Variants in NUDT3 observed in about 807,000 individuals in gnomAD.
NUDT3 encodes diphosphoinositol polyphosphate phosphohydrolase 1.
Under a neutral mutation model 23.6 loss-of-function variants are expected in NUDT3, and 9 were observed. That is an observed-to-expected ratio of 0.38 (90% CI 0.23 to 0.66). The LOEUF (loss-of-function observed/expected upper bound fraction) is 0.66. Among genes scored for constraint, NUDT3 ranks in the 30% least tolerant of loss-of-function variants. The probability of loss-of-function intolerance (pLI) is 0.52; values close to 1 mark genes in which losing one functional copy is unlikely to be tolerated. For missense variants in NUDT3, 172 were observed against 218.5 expected (o/e 0.79, Z 1.34); for synonymous variants, 86 against 82.6 (o/e 1.04, Z -0.22).
chr6:34,334,440 G>A (rs1488007480), intron 2 of NUDT3, among the ~76,000 whole-genome samples: 2 of 151,462 alleles, frequency 1.3e-5, no homozygotes, highest in Non-Finnish European at 2.9e-5. Flanking sequence ...GGAGTTAAGA[G>A]ACCAGCCTGA....
In NUDT3 at chr6:34,293,529, C is replaced by T; in HGVS notation, c.262G>A (p.Glu88Lys). The T allele has an allele frequency of 1.2e-6, 2 of 1,614,160 alleles. No individual in the cohort carries two copies. The highest frequency in any genetic ancestry group is 2.2e-5 in the South Asian group (2 of 91,082). The change falls in exon 4 of 5, where the codon GAG (glutamate) becomes AAG (lysine). Residue 88 changes from glutamate to lysine, a missense_variant. Physicochemically the swap from Glu to Lys is moderately conservative, Grantham distance 56. Coordinates refer to ENST00000607016, the MANE Select transcript of NUDT3 (RefSeq NM_006703.4). ...GRLVGIFENQ[E>K]RKHRTYVYVL... is the part of the protein sequence containing the mutation. ...TAGACATACGTCCTGTGCTTCCTCT[C>T]CTGGTTCTGAAGGGCAAAGAGAGAA...
chr6:34,330,210 T>C (rs34384951), intron 2 of NUDT3, among the ~76,000 whole-genome samples: 13,429 of 152,292 alleles, frequency 0.088, 1,329 homozygotes, highest in East Asian at 0.44. Flanking sequence ...TTCTAGATCC[T>C]TGAAGAATCA....
rs11355875 is a variant in NUDT3 at position 34,353,440 on chromosome 6, ATT to A, written c.100-11470_100-11469del. Among the ~76,000 whole-genome samples the A allele has an allele frequency of 1.6e-3, 235 of 143,038 alleles. 2 individuals carry two copies. Among genetic ancestry groups the A allele is most frequent in the East Asian group, 0.012 (58 of 4,896 alleles). 93.8% of individuals were successfully genotyped at this position (143,038 alleles called of 152,430 possible). A position where few individuals can be genotyped will look rare whatever the true frequency, so the allele number is the denominator to read the frequency against. On this transcript the variant is annotated intron_variant, in intron 1 of 4. Coordinates refer to ENST00000607016, the MANE Select transcript of NUDT3 (RefSeq NM_006703.4). ...ACTTACCTATACACAACTCCCAAGT[ATT>A]TTTTTTTTTTTTTTTGAGACAAGAG... is the stretch of plus-strand genomic sequence containing the variant.
chr6:34,355,115 G>A (rs1262194324), intron 1 of NUDT3, among the ~76,000 whole-genome samples: 1 of 152,100 alleles, frequency 6.6e-6, no homozygotes, highest in Non-Finnish European at 1.5e-5. Flanking sequence ...AGTATTAGGA[G>A]GAATGTATTC....
chr6:34,335,909 T>C (rs191401177), intron 2 of NUDT3, among the ~76,000 whole-genome samples: 2 of 152,208 alleles, frequency 1.3e-5, no homozygotes, highest in African/African-American at 2.4e-5. Context: ...TATTATTAAT[T>C]TTTATTGACA....
intron 2 of NUDT3, among the ~76,000 whole-genome samples, chr6:34,327,145 T>G (rs1005536087): frequency 1.3e-5 from 2 of 152,040 alleles, no homozygotes; most frequent in African/African-American, 4.8e-5. Flanking sequence ...GCAAGTCACA[T>G]GATCATAGGA....
At chr6:34,315,899 T>C (rs1763850327) in intron 2 of NUDT3, among the ~76,000 whole-genome samples, 1 of 152,242 alleles carries the variant, frequency 6.6e-6, no homozygotes, top group Non-Finnish European at 1.5e-5. Flanking sequence ...GCTGATCGTC[T>C]TTCTTCCTGC....
intron 2 of NUDT3, among the ~76,000 whole-genome samples, chr6:34,322,386 C>A (rs757755264): frequency 2.0e-5 from 3 of 152,138 alleles, no homozygotes; most frequent in African/African-American, 7.2e-5. Context: ...CCCGCCACCA[C>A]GCACAGCTAA....
chr6:34,376,535 CCAAAGTGCT>C (rs1257114952), intron 1 of NUDT3, among the ~76,000 whole-genome samples: 1 of 152,140 alleles, frequency 6.6e-6, no homozygotes, highest in Non-Finnish European at 1.5e-5. Flanking sequence ...CTTCCGCCTC[CCAAAGTGCT>C]GGGATTACAG....
intron 1 of NUDT3, among the ~76,000 whole-genome samples, chr6:34,342,219 A>G (rs1764298151): frequency 7.0e-6 from 1 of 143,060 alleles, no homozygotes; most frequent in African/African-American, 2.6e-5. Context: ...CACCTGCTCT[A>G]TTTATCCCCT....
intron 2 of NUDT3, among the ~76,000 whole-genome samples, chr6:34,331,746 C>A (rs150746082): frequency 1.8e-4 from 27 of 152,344 alleles, no homozygotes; most frequent in Non-Finnish European, 2.4e-4. Flanking sequence ...TGTATCTGTA[C>A]TGAACACGTA....
At chr6:34,348,761 G>A (rs1277740712) in intron 1 of NUDT3, among the ~76,000 whole-genome samples, 1 of 151,196 alleles carries the variant, frequency 6.6e-6, no homozygotes, top group Non-Finnish European at 1.5e-5. Flanking sequence ...GGGTGACAGC[G>A]CAAGACTCCG....
intron 2 of NUDT3, among the ~76,000 whole-genome samples, chr6:34,311,533 C>T (rs1763772515): frequency 6.6e-6 from 1 of 152,018 alleles, no homozygotes; most frequent in African/African-American, 2.4e-5. Flanking sequence ...CAACACAATC[C>T]CAATTAAAAT....
chr6:34,384,333 T>A (rs967663820), intron 1 of NUDT3, among the ~76,000 whole-genome samples: 6 of 152,170 alleles, frequency 3.9e-5, no homozygotes, highest in African/African-American at 1.4e-4. Flanking sequence ...AACAGCTTCA[T>A]CCTTTCTTTA....
chr6:34,284,603 A>G lies in NUDT3; in HGVS notation c.*4150T>C, dbSNP rs556032919. 3 of 151,858 alleles carry G rather than the reference A, an allele frequency of 2.0e-5. No individual in the cohort carries two copies. The highest frequency in any genetic ancestry group is 7.2e-5 in the African/African-American group (3 of 41,416). The allele number at this position is 151,858 out of a possible 1,614,324, so 9.4% of individuals were successfully genotyped here. A position where few individuals can be genotyped will look rare whatever the true frequency, so the allele number is the denominator to read the frequency against. ...AGGCATTAAGAAAGTACTAGATGAA[A>G]ATGAGAAATATGTGAAGGATAACAT... On this transcript the variant is annotated 3_prime_UTR_variant, in exon 5 of 5. Coordinates refer to ENST00000607016, the MANE Select transcript of NUDT3 (RefSeq NM_006703.4).
chr6:34,302,863 A>G (rs1011410311), intron 2 of NUDT3, among the ~76,000 whole-genome samples: 7 of 152,238 alleles, frequency 4.6e-5, no homozygotes, highest in African/African-American at 1.4e-4. Flanking sequence ...CAAATAGCCA[A>G]TGGTCTAGAG....
chr6:34,365,923 C>G (rs1182063067), intron 1 of NUDT3, among the ~76,000 whole-genome samples: 1 of 152,110 alleles, frequency 6.6e-6, no homozygotes, highest in African/African-American at 2.4e-5. Flanking sequence ...AGCCTGTAAT[C>G]CCAGCTACTC....
intron 1 of NUDT3, among the ~76,000 whole-genome samples, chr6:34,371,395 C>T (rs1052276395): frequency 6.6e-6 from 1 of 150,572 alleles, no homozygotes; most frequent in Non-Finnish European, 1.5e-5. Context: ...GAACCCAGGA[C>T]GTGGAAGTTG....
chr6:34,297,734 TATATA>T (rs1763529088), intron 2 of NUDT3, among the ~76,000 whole-genome samples: 1 of 40,192 alleles, frequency 2.5e-5, no homozygotes, highest in Non-Finnish European at 5.1e-5. Flanking sequence ...AAAAAAAATA[TATATA>T]TATATATATA....
Sources: allele counts gnomAD v4.1 joint callset (sites outside exome capture counted in the v4.1 genomes callset), GRCh38; gene constraint gnomAD v4.1.1; transcripts MANE v1.5; gene names NCBI Gene and HGNC (gene_info 2026-07-23, HGNC 2026-07-21).